CDH18: variants seen among roughly 807,000 people sequenced by gnomAD.
The protein encoded by CDH18 is cadherin-18.
In CDH18, 31 loss-of-function variants were observed where a neutral mutation model predicts 67.9. That is an observed-to-expected ratio of 0.46 (90% confidence interval 0.34 to 0.62). The LOEUF (loss-of-function observed/expected upper bound fraction) is 0.62, where lower values mean the gene tolerates loss of function less well. Among genes scored for constraint, CDH18 ranks in the 20% least tolerant of loss-of-function variants. CDH18 has a pLI of 0.01. For synonymous variants in CDH18, 362 were observed against 347.2 expected (o/e 1.04, Z -0.48); for missense variants, 890 against 975.5 (o/e 0.91, Z 1.17).
chr5:20,466,478 C>T (rs571346989), intron 1 of CDH18, among the ~76,000 whole-genome samples: 111 of 152,120 alleles, frequency 7.3e-4, no homozygotes, highest in Non-Finnish European at 1.4e-3. Context: ...ACAATTATGT[C>T]TCAGATAATG....
chr5:20,455,963 T>C (rs1341296339), intron 1 of CDH18, among the ~76,000 whole-genome samples: 1 of 152,144 alleles, frequency 6.6e-6, no homozygotes, highest in Non-Finnish European at 1.5e-5. Context: ...ATGCAGCTGA[T>C]AACCTTTGTT....
intron 6 of CDH18, among the ~76,000 whole-genome samples, chr5:19,592,456 G>A (rs1483624497): frequency 2.0e-5 from 3 of 152,026 alleles, no homozygotes; most frequent in Admixed American, 2.0e-4. Flanking sequence ...AGAAGCCCAG[G>A]AATCTTGAAT....
chr5:20,426,806 C>T (rs183831902), intron 1 of CDH18, among the ~76,000 whole-genome samples: 9 of 151,246 alleles, frequency 6.0e-5, no homozygotes, highest in Admixed American at 4.6e-4. Flanking sequence ...TATGCACCCC[C>T]TACCTTCTAA....
At chr5:19,557,765 G>T (rs192608209) in intron 8 of CDH18, among the ~76,000 whole-genome samples, 7 of 151,956 alleles carry the variant, frequency 4.6e-5, no homozygotes, top group Non-Finnish European at 1.0e-4. Flanking sequence ...AGAAACAATA[G>T]ACTTAAATTA....
intron 2 of CDH18, among the ~76,000 whole-genome samples, chr5:20,128,317 T>A (rs766704638): frequency 6.6e-5 from 10 of 152,104 alleles, no homozygotes; most frequent in Non-Finnish European, 1.5e-4. Context: ...GGTGCTATTA[T>A]TTTTAAGAAA....
At chr5:20,366,422 C>T (rs548744432) in intron 1 of CDH18, among the ~76,000 whole-genome samples, 6 of 152,184 alleles carry the variant, frequency 3.9e-5, no homozygotes, top group South Asian at 4.2e-4. Flanking sequence ...TTAACTATTG[C>T]GATAACTTTT....
At chr5:20,376,392 A>G (rs1009436404) in intron 1 of CDH18, among the ~76,000 whole-genome samples, 1 of 151,298 alleles carries the variant, frequency 6.6e-6, no homozygotes, top group Non-Finnish European at 1.5e-5. Context: ...CCGGCCAAAA[A>G]CGCAATAGGT....
chr5:19,813,239 C>T (rs776341481), intron 3 of CDH18, among the ~76,000 whole-genome samples: 5 of 151,494 alleles, frequency 3.3e-5, no homozygotes, highest in Admixed American at 6.6e-5. Flanking sequence ...TGTATATTTA[C>T]GTAACAAACC....
chr5:19,650,887 A>C (rs952178325), intron 5 of CDH18, among the ~76,000 whole-genome samples: 7 of 152,082 alleles, frequency 4.6e-5, no homozygotes, highest in Non-Finnish European at 7.4e-5. Flanking sequence ...AAGACAAAAT[A>C]TATTTTAATT....
At chr5:19,719,903 G>GAGAAAGAA (rs35867851) in intron 5 of CDH18, among the ~76,000 whole-genome samples, 21,365 of 130,680 alleles carry the variant, frequency 0.16, 1,966 homozygotes, top group African/African-American at 0.22. Context: ...AGTTAAGCAA[G>GAGAAAGAA]AGAAAGAAAG....
chr5:20,282,213 C>T (rs1746335676), intron 1 of CDH18, among the ~76,000 whole-genome samples: 1 of 152,162 alleles, frequency 6.6e-6, no homozygotes, highest in Non-Finnish European at 1.5e-5. Context: ...ATTTCTTTCT[C>T]CTGCCTGACT....
At chr5:20,367,699 G>A (rs2150080052) in intron 1 of CDH18, among the ~76,000 whole-genome samples, 1 of 152,236 alleles carries the variant, frequency 6.6e-6, no homozygotes, top group South Asian at 2.1e-4. Context: ...AAGAACATGT[G>A]GTAAATTTTT....
intron 1 of CDH18, among the ~76,000 whole-genome samples, chr5:20,486,296 A>AAG (rs1753172787): frequency 6.6e-6 from 1 of 152,172 alleles, no homozygotes. Context: ...GCAATATGTA[A>AAG]AGATCAACTC....
chr5:19,601,370 A>C, intron 6 of CDH18, among the ~76,000 whole-genome samples: 1 of 152,336 alleles, frequency 6.6e-6, no homozygotes, highest in African/African-American at 2.4e-5. Context: ...TAATGAATAT[A>C]TTCTTTTAAA....
chr5:19,785,996 G>A (rs1775736504), intron 3 of CDH18, among the ~76,000 whole-genome samples: 1 of 151,666 alleles, frequency 6.6e-6, no homozygotes, highest in Non-Finnish European at 1.5e-5. Flanking sequence ...GCCAACTATT[G>A]AACTTTGAAG....
intron 1 of CDH18, among the ~76,000 whole-genome samples, chr5:20,502,643 T>C (rs996359241): frequency 2.6e-5 from 4 of 152,216 alleles, no homozygotes; most frequent in African/African-American, 4.8e-5. Context: ...AAAATAATTA[T>C]GTTTTTGAAT....
At chr5:20,328,822 A>G (rs1738875448) in intron 1 of CDH18, among the ~76,000 whole-genome samples, 2 of 152,074 alleles carry the variant, frequency 1.3e-5, no homozygotes, top group South Asian at 4.1e-4. Context: ...GGTGAAAACA[A>G]ACAAAAATTA....
At chr5:19,637,094 G>A (rs1157218071) in intron 5 of CDH18, among the ~76,000 whole-genome samples, 2 of 151,882 alleles carry the variant, frequency 1.3e-5, no homozygotes, top group Admixed American at 1.3e-4. Context: ...TCTATATATC[G>A]CAGGTAGATT....
chr5:19,646,800 T>C (rs1178423365), intron 5 of CDH18, among the ~76,000 whole-genome samples: 1 of 152,134 alleles, frequency 6.6e-6, no homozygotes, highest in Non-Finnish European at 1.5e-5. Flanking sequence ...GGGATGGATT[T>C]CAGTATCTTA....
Sources: gnomAD v4.1 joint callset for allele counts (sites outside exome capture counted in the v4.1 genomes callset) on GRCh38, gnomAD v4.1.1 for gene constraint, MANE v1.5 for transcripts, NCBI Gene and HGNC (gene_info 2026-07-23, HGNC 2026-07-21) for gene names.